DAB1: variants seen among roughly 807,000 people sequenced by gnomAD.
The protein encoded by DAB1 is DAB adaptor protein 1, also known as disabled homolog 1.
DAB1 carries 15 observed loss-of-function variants against 64.6 expected under a neutral mutation model. The observed-to-expected ratio is 0.23, with a 90% CI of 0.16 to 0.36. The LOEUF (loss-of-function observed/expected upper bound fraction) is 0.36. Ranked by LOEUF, DAB1 falls within the 10% of genes least tolerant of loss-of-function variation. The probability of loss-of-function intolerance (pLI) is 1.00; values close to 1 mark genes in which losing one functional copy is unlikely to be tolerated. For missense variants in DAB1, 596 were observed against 706.7 expected, an observed-to-expected ratio of 0.84 and a Z score of 1.78; for synonymous variants, 235 against 251.9, an observed-to-expected ratio of 0.93 and a Z score of 0.64.
At chr1:57,973,981 TA>T (rs1488004187) in intron 5 of DAB1, among the ~76,000 whole-genome samples, 2 of 152,156 alleles carry the variant, frequency 1.3e-5, no homozygotes, top group Non-Finnish European at 2.9e-5. Context: ...TACCATTTCA[TA>T]AAACACCCAG....
At chr1:57,957,775 G>A (rs1248891450) in intron 5 of DAB1, among the ~76,000 whole-genome samples, 1 of 152,182 alleles carries the variant, frequency 6.6e-6, no homozygotes, top group African/African-American at 2.4e-5. Context: ...GAGGTAGGAA[G>A]GCAGGTGAGT....
intron 1 of DAB1, among the ~76,000 whole-genome samples, chr1:57,344,735 C>A (rs1027760442): frequency 6.6e-6 from 1 of 152,130 alleles, no homozygotes; most frequent in African/African-American, 2.4e-5. Flanking sequence ...CTGTGCCTCA[C>A]TGAGATCACA....
At chr1:57,745,686 G>A (rs371021493) in intron 6 of DAB1, among the ~76,000 whole-genome samples, 2 of 152,080 alleles carry the variant, frequency 1.3e-5, no homozygotes, top group Admixed American at 6.5e-5. Context: ...AAACATTCCC[G>A]AATCAACTGC....
At chr1:58,488,823 T>C (rs1164799246) in intron 3 of DAB1, among the ~76,000 whole-genome samples, 3 of 152,260 alleles carry the variant, frequency 2.0e-5, no homozygotes, top group Non-Finnish European at 2.9e-5. Flanking sequence ...TGTATACGTC[T>C]TATGCCTTTG....
chr1:57,537,089 T>C (rs1355210288), intron 7 of DAB1, among the ~76,000 whole-genome samples: 1 of 152,270 alleles, frequency 6.6e-6, no homozygotes, highest in Non-Finnish European at 1.5e-5. Context: ...GTTGAAATGA[T>C]GTCAGATAGA....
intron 6 of DAB1, among the ~76,000 whole-genome samples, chr1:57,730,138 G>C (rs1647347376): frequency 6.6e-6 from 1 of 152,210 alleles, no homozygotes; most frequent in Non-Finnish European, 1.5e-5. Flanking sequence ...GTGTAAGTCA[G>C]TGCTCTGAGT....
At chr1:57,456,423 C>T (rs1686595187) in intron 7 of DAB1, among the ~76,000 whole-genome samples, 1 of 152,064 alleles carries the variant, frequency 6.6e-6, no homozygotes. Context: ...CTTTGAGGTT[C>T]TGATCACCAG....
At chr1:57,526,307 T>G (rs1644593113) in intron 7 of DAB1, among the ~76,000 whole-genome samples, 1 of 152,194 alleles carries the variant, frequency 6.6e-6, no homozygotes, top group Admixed American at 6.5e-5. Flanking sequence ...ACTATTTATA[T>G]CTAAAGAATT....
intron 3 of DAB1, among the ~76,000 whole-genome samples, chr1:58,464,998 C>T (rs1645280508): frequency 6.6e-6 from 1 of 152,206 alleles, no homozygotes; most frequent in Non-Finnish European, 1.5e-5. Context: ...CAAAGCCTTT[C>T]CAGAAGTTTG....
intron 7 of DAB1, among the ~76,000 whole-genome samples, chr1:57,608,956 T>C (rs1485917019): frequency 6.6e-6 from 1 of 152,230 alleles, no homozygotes. Flanking sequence ...TTGAGCTTAA[T>C]TCTGCCTTGA....
rs560717712 is a variant in DAB1 at position 57,329,791 on chromosome 1, C to T, written c.-136-38625G>A. Among the ~76,000 whole-genome samples, 94 of 152,158 alleles carry T rather than the reference C, an allele frequency of 6.2e-4. 1 individual carries two copies. The highest frequency in any genetic ancestry group is 1.7e-3 in the South Asian group (8 of 4,802). ...CAGAGGAAGATTCCTGACTGCTCAG[C>T]ATTTAACTTTCTGAATAGTGAAAAA... On this transcript the variant is annotated intron_variant, in intron 1 of 14. Coordinates refer to ENST00000371236, the MANE Select transcript of DAB1 (RefSeq NM_001365792.1).
chr1:58,120,043 G>T (rs954024585), intron 5 of DAB1, among the ~76,000 whole-genome samples: 1 of 152,120 alleles, frequency 6.6e-6, no homozygotes, highest in Admixed American at 6.5e-5. Context: ...GCTGGTCCCA[G>T]AGCCTGAAAT....
At chr1:58,048,929 C>T (rs1487939400) in intron 5 of DAB1, 8 of 872,410 alleles carry the variant, frequency 9.2e-6, no homozygotes, top group African/African-American at 1.6e-5. Context: ...AAAATAATCT[C>T]TTAGGTGATG....
intron 5 of DAB1, among the ~76,000 whole-genome samples, chr1:58,148,443 C>G (rs1262668739): frequency 1.3e-5 from 2 of 152,240 alleles, no homozygotes; most frequent in Non-Finnish European, 2.9e-5. Context: ...GGCTTGGCCT[C>G]TGTCTGCCTC....
chr1:57,553,458 A>AAG (rs1215075800), intron 7 of DAB1, among the ~76,000 whole-genome samples: 1 of 132,138 alleles, frequency 7.6e-6, no homozygotes, highest in Non-Finnish European at 1.6e-5. Flanking sequence ...GAAAGAAAGA[A>AAG]AGAGAAAGGG....
chr1:57,402,147 T>C (rs566801204), intron 1 of DAB1, among the ~76,000 whole-genome samples: 474 of 152,292 alleles, frequency 3.1e-3, no homozygotes, highest in South Asian at 8.7e-3. Context: ...AATGAACTTA[T>C]ACCTATGAGG....
intron 4 of DAB1, among the ~76,000 whole-genome samples, chr1:58,213,157 G>A (rs536257180): frequency 1.3e-5 from 2 of 152,256 alleles, no homozygotes; most frequent in Non-Finnish European, 2.9e-5. Context: ...GGTCAAATTT[G>A]GTATAAGGAA....
chr1:57,064,159 A>G (rs566229297), intron 8 of DAB1, among the ~76,000 whole-genome samples: 1 of 152,392 alleles, frequency 6.6e-6, no homozygotes, highest in Admixed American at 6.5e-5. Flanking sequence ...ATAAGAAGTA[A>G]GAATTTGAGC....
At chr1:57,551,373 C>A (rs1165646926) in intron 7 of DAB1, among the ~76,000 whole-genome samples, 1 of 152,188 alleles carries the variant, frequency 6.6e-6, no homozygotes, top group Non-Finnish European at 1.5e-5. Flanking sequence ...CTTTCCACAA[C>A]TGCTGGTTCT....
Sources: gnomAD v4.1 joint callset for allele counts (sites outside exome capture counted in the v4.1 genomes callset) on GRCh38, gnomAD v4.1.1 for gene constraint, MANE v1.5 for transcripts, NCBI Gene and HGNC (gene_info 2026-07-23, HGNC 2026-07-21) for gene names.